The following NPHP4 variants were observed in gnomAD, a reference collection of about 807,000 sequenced individuals.
NPHP4 encodes nephrocystin 4.
NPHP4 carries 151 observed loss-of-function variants against 155.8 expected under a neutral mutation model. The ratio of observed to expected loss-of-function variants is 0.97; its 90% CI spans 0.85 to 1.11. The LOEUF (loss-of-function observed/expected upper bound fraction) is 1.11. NPHP4 is among the 50% of genes least tolerant of loss of function. NPHP4 has a pLI of 0.00. For synonymous variants in NPHP4, 845 were observed against 816.8 expected, an observed-to-expected ratio of 1.03 and a Z score of -0.59; for missense variants, 1,956 against 1,925.7, an observed-to-expected ratio of 1.02 and a Z score of -0.29.
intron 11 of NPHP4, among the ~76,000 whole-genome samples, chr1:5,916,211 A>C (rs899892105): frequency 6.6e-6 from 1 of 152,206 alleles, no homozygotes; most frequent in East Asian, 1.9e-4. Context: ...GTAAGTGATG[A>C]ATGAAACTTT....
At position 5,865,121 on chromosome 1, in the gene NPHP4, G is replaced by T; in HGVS notation, c.3797C>A (p.Ser1266Tyr). Residue 1266 changes from serine (S) to tyrosine (Y), a missense_variant, in exon 27 of 30, where the codon TCT becomes TAT. By Grantham distance (144) the Ser-to-Tyr change is moderately radical. Coordinates refer to ENST00000378156, the MANE Select transcript of NPHP4 (RefSeq NM_015102.5). ...QTVRKVRAFT[S>Y]HPQELKTDPK... ...CCGTACCTTCAGCTCCTGGGGATGA[G>T]AGGTGAAAGCTCTCACTTTCCTCAC... is the stretch of plus-strand genomic sequence containing the variant. The T allele has an allele frequency of 6.2e-7, 1 of 1,613,728 alleles. No homozygotes were observed. Among genetic ancestry groups the T allele is most frequent in the South Asian group, 1.1e-5 (1 of 91,072 alleles).
At chr1:5,866,979 G>C in intron 25 of NPHP4, 51 bp downstream of exon 25, 1 of 1,416,046 alleles carries the variant, frequency 7.1e-7, no homozygotes, top group Non-Finnish European at 9.9e-7. Context: ...CGACAGGGGC[G>C]CAGACTCACT....
At chr1:5,907,600 G>A (rs1040406665) in intron 12 of NPHP4, among the ~76,000 whole-genome samples, 7 of 152,348 alleles carry the variant, frequency 4.6e-5, no homozygotes, top group African/African-American at 1.2e-4. Flanking sequence ...AGCCGCCTGC[G>A]TTCCTATCGA....
At chr1:5,907,080 G>T in intron 13 of NPHP4, 35 bp downstream of exon 13, 2 of 1,238,138 alleles carry the variant, frequency 1.6e-6, no homozygotes, top group Non-Finnish European at 2.2e-6. Flanking sequence ...GCCATTCCTT[G>T]GTGGAAGGCA....
chr1:5,948,105 G>A lies in NPHP4; in HGVS notation c.957C>T (p.Ser319=). 5.6e-6 allele frequency: 9 copies of A among 1,613,906 alleles called. No individual in the cohort carries two copies. Among genetic ancestry groups the A allele is most frequent in the Non-Finnish European group, 7.6e-6 (9 of 1,179,872 alleles). The change falls in exon 8 of 30, where the codon AGC becomes AGT. Residue 319 remains serine (S), a synonymous_variant. Coordinates refer to ENST00000378156, the MANE Select transcript of NPHP4 (RefSeq NM_015102.5). ...EMDVALTRSA[S]FSRKVVSSSK... ...AAGAGGAGACCACTTTCCTGCTGAA[G>A]CTAGCTGAGCGCGTCAAGGCCACAT...
At chr1:5,960,687 C>G (rs1167109551) in intron 6 of NPHP4, among the ~76,000 whole-genome samples, 3 of 152,108 alleles carry the variant, frequency 2.0e-5, no homozygotes, top group Admixed American at 1.3e-4. Context: ...TCAAGAAAGC[C>G]ACACAAAAGT....
chr1:5,958,521 C>T (rs975401226), intron 6 of NPHP4, among the ~76,000 whole-genome samples: 2 of 152,184 alleles, frequency 1.3e-5, no homozygotes, highest in East Asian at 3.9e-4. Flanking sequence ...GTGGTGAAAC[C>T]CCGTCTCAAC....
intron 2 of NPHP4, 48 bp from the exon 3 acceptor site, chr1:5,978,461 C>G: frequency 6.4e-7 from 1 of 1,565,292 alleles, no homozygotes. Context: ...GCACCATGAG[C>G]CAGGAGGTCA....
chr1:5,924,667 ATTT>A (rs1269975047), intron 11 of NPHP4, among the ~76,000 whole-genome samples: 1 of 152,064 alleles, frequency 6.6e-6, no homozygotes, highest in African/African-American at 2.4e-5. Context: ...TTACTTATTT[ATTT>A]TTGAGACAAG....
At position 5,986,168 on chromosome 1, in the gene NPHP4, G is replaced by A. The variant is rs754311690; in HGVS notation, c.122C>T (p.Pro41Leu). 370 of 1,613,742 alleles carry A rather than the reference G, an allele frequency of 2.3e-4. 3 individuals are homozygous for A. Among genetic ancestry groups the A allele is most frequent in the South Asian group, 1.8e-3 (160 of 91,034 alleles). Residue 41 changes from proline to leucine, a missense_variant, in exon 2 of 30, where the codon CCG becomes CTG. Transcript: ENST00000378156. The part of the protein sequence containing the change: ...FQCVLKWLDG[P>L]VIRQGVLEVL... ...ACATTTTGTTACCTGCCTAATTACC[G>A]GTCCGTCCAGCCACTTGAGGACACA...
intron 5 of NPHP4, among the ~76,000 whole-genome samples, chr1:5,964,860 AT>A (rs1295564106): frequency 6.9e-6 from 1 of 144,506 alleles, no homozygotes; most frequent in African/African-American, 2.5e-5. Flanking sequence ...TATATATTTT[AT>A]ATATATATAA....
intron 23 of NPHP4, among the ~76,000 whole-genome samples, chr1:5,871,255 T>C (rs2100561950): frequency 6.6e-6 from 1 of 152,260 alleles, no homozygotes; most frequent in African/African-American, 2.4e-5. Context: ...CTACTTGTTA[T>C]TTAAAAAAGG....
intron 10 of NPHP4, 39 bp from the exon 11 acceptor site, chr1:5,927,826 C>T (rs1195978438): frequency 1.4e-5 from 22 of 1,575,928 alleles, no homozygotes; most frequent in Non-Finnish European, 1.8e-5. Flanking sequence ...CCACTCCCTT[C>T]ATCAGCACGC....
intron 7 of NPHP4, among the ~76,000 whole-genome samples, chr1:5,950,235 T>C (rs1647711314): frequency 6.6e-6 from 1 of 152,178 alleles, no homozygotes; most frequent in South Asian, 2.1e-4. Context: ...CCTCAGAGAA[T>C]TTCCTTCCCC....
chr1:5,864,468 A>G lies in NPHP4; in HGVS notation c.3866T>C (p.Leu1289Pro), dbSNP rs768533559. ...FVLPPRGVQD[L>P]HVGVRPLRAG... ...CCTAAGGGGCCTCACGCCAACATGCAGGTCCTGCACCCCACGAGGCGGCAG... is the reference window on the plus strand; with the variant it reads ...CCTAAGGGGCCTCACGCCAACATGCGGGTCCTGCACCCCACGAGGCGGCAG... Residue 1289 changes from leucine (L) to proline (P), a missense_variant, in exon 28 of 30, where the codon CTG becomes CCG. Transcript: ENST00000378156. 2.5e-6 allele frequency: 4 copies of G among 1,604,652 alleles called. No individual in the cohort carries two copies. The highest frequency in any genetic ancestry group is 3.4e-6 in the Non-Finnish European group (4 of 1,175,998).
Position 5,867,028 on chromosome 1 carries a change from A to G in NPHP4, c.3558+2T>C. The G allele has an allele frequency of 6.2e-7, 1 of 1,611,692 alleles. No homozygotes were observed. Among genetic ancestry groups the G allele is most frequent in the Non-Finnish European group, 8.5e-7 (1 of 1,178,542 alleles). The stretch of plus-strand genomic sequence containing the variant: ...CTGAGCTGGGGCCACAACACAACCT[A>G]CCACATTCTGGGTCTCACAGATGAC... On this transcript the variant is annotated splice_donor_variant, in intron 25 of 29. Transcript: ENST00000378156. LOFTEE classifies it high-confidence loss of function. The surrounding 1 kb of genome is among the most constrained non-coding windows in gnomAD (Gnocchi z 4.1).
At position 5,962,327 on chromosome 1, in the gene NPHP4, G is replaced by A. The variant is rs1001385380; in HGVS notation, c.518-378C>T. Among the ~76,000 whole-genome samples, 5 of 152,198 alleles carry A rather than the reference G, an allele frequency of 3.3e-5. No homozygotes were observed. The East Asian group carries it at 7.7e-4, about 24-fold the overall frequency. ...CCCAAAGTGCTGGGATTACAGGCAT[G>A]AGACACCATGCCCGGCCTGGAGGTG... On this transcript the variant is annotated intron_variant, in intron 5 of 29. Transcript: ENST00000378156.
chr1:5,866,325 T>C (rs888385429), intron 26 of NPHP4, 48 bp downstream of exon 26: 3 of 1,263,034 alleles, frequency 2.4e-6, no homozygotes, highest in Non-Finnish European at 3.4e-6. Flanking sequence ...GCCTGCCTCC[T>C]CCTCTCCTCC....
At chr1:5,970,070 G>C (rs1451210667) in intron 3 of NPHP4, among the ~76,000 whole-genome samples, 2 of 152,190 alleles carry the variant, frequency 1.3e-5, no homozygotes, top group African/African-American at 2.4e-5. Context: ...GGCCCAGGGA[G>C]AGGAGGCCTG....
Sources: allele counts gnomAD v4.1 joint callset (sites outside exome capture counted in the v4.1 genomes callset), GRCh38; gene constraint gnomAD v4.1.1; non-coding constraint Gnocchi (gnomAD v3.1); transcripts MANE v1.5; gene names NCBI Gene and HGNC (gene_info 2026-07-23, HGNC 2026-07-21).